The following UNC13C variants were observed in gnomAD, a reference collection of about 807,000 sequenced individuals.
UNC13C encodes protein unc-13 homolog C.
Under a neutral mutation model 245.4 loss-of-function variants are expected in UNC13C, and 174 were observed. That is an observed-to-expected ratio of 0.71 (90% confidence interval 0.63 to 0.80). The LOEUF is 0.80. Among genes scored for constraint, UNC13C ranks in the 30% least tolerant of loss-of-function variants. The pLI is 0.00. For missense variants in UNC13C, 2,829 were observed against 2,602.9 expected, an observed-to-expected ratio of 1.09 and a Z score of -1.89; for synonymous variants, 992 against 895.1, an observed-to-expected ratio of 1.11 and a Z score of -1.93.
At chr15:54,094,383 G>A (rs1314441918) in intron 2 of UNC13C, among the ~76,000 whole-genome samples, 4 of 152,040 alleles carry the variant, frequency 2.6e-5, no homozygotes, top group African/African-American at 9.7e-5. Flanking sequence ...CTGCTTCTTG[G>A]AGGACCTGTT....
At position 54,219,110 on chromosome 15, in the gene UNC13C, T is replaced by C. The variant is rs28679769; in HGVS notation, c.3072-15920T>C. On this transcript the variant is annotated intron_variant, in intron 4 of 32. Coordinates refer to ENST00000260323, the MANE Select transcript of UNC13C (RefSeq NM_001080534.3). ...TTTGAAAAAACTACTTTAAAGTTCA[T>C]ATGGAACCAAAAAAGAGACCGCATT... Among the ~76,000 whole-genome samples, 752 of 151,384 alleles carry C rather than the reference T, an allele frequency of 5.0e-3. 9 individuals carry two copies. Among genetic ancestry groups the C allele is most frequent in the African/African-American group, 0.018 (729 of 40,738 alleles).
chr15:54,068,258 T>A (rs1898161823), intron 2 of UNC13C, among the ~76,000 whole-genome samples: 1 of 152,204 alleles, frequency 6.6e-6, no homozygotes. Flanking sequence ...AGAAAAATCA[T>A]CTAATTTGTT....
At chr15:53,885,566 A>G in the UNC13C span, among the ~76,000 whole-genome samples, 10 of 152,166 alleles carry the variant, frequency 6.6e-5, no homozygotes, top group Non-Finnish European at 1.3e-4. Flanking sequence ...ACCTAAGCAT[A>G]AAATAGTTTT....
intron 4 of UNC13C, among the ~76,000 whole-genome samples, chr15:54,202,309 G>GA (rs1567093298): frequency 2.0e-5 from 3 of 151,786 alleles, no homozygotes; most frequent in East Asian, 3.9e-4. Flanking sequence ...CACATAACTA[G>GA]AAAAAACCAT....
At chr15:54,213,623 A>G (rs2034952967) in intron 4 of UNC13C, among the ~76,000 whole-genome samples, 1 of 152,172 alleles carries the variant, frequency 6.6e-6, no homozygotes. Context: ...TTATTTTTAC[A>G]TGGAGAACAT....
chr15:54,622,376 C>T lies in UNC13C; in HGVS notation c.6156C>T (p.Ile2052=). 1 of 1,613,264 alleles carries T rather than the reference C, an allele frequency of 6.2e-7. No individual in the cohort carries two copies. The highest frequency in any genetic ancestry group is 8.5e-7 in the Non-Finnish European group (1 of 1,179,450). The change falls in exon 31 of 33, where the codon ATC becomes ATT. Residue 2052 remains isoleucine (I), a synonymous_variant. Transcript: ENST00000260323. ...GTCAGATATCTGTTCATGTGGACAT[C>T]ACTGCCACCCCAGGAACGGGAGATC... ...AVGQISVHVD[I]TATPGTGDHK... is the part of the protein sequence containing the mutation.
chr15:54,270,165 G>A (rs1314428018), intron 10 of UNC13C, among the ~76,000 whole-genome samples: 2 of 152,074 alleles, frequency 1.3e-5, no homozygotes, highest in African/African-American at 4.8e-5. Context: ...TCATAAAAAT[G>A]GCATGAGAAT....
intron 17 of UNC13C, among the ~76,000 whole-genome samples, chr15:54,389,648 T>G (rs1359768546): frequency 6.6e-6 from 1 of 152,240 alleles, no homozygotes; most frequent in Non-Finnish European, 1.5e-5. Context: ...AAAGCTGTTA[T>G]AGCCCATTTT....
the UNC13C span, among the ~76,000 whole-genome samples, chr15:53,898,105 A>G: frequency 6.6e-6 from 1 of 152,168 alleles, no homozygotes; most frequent in East Asian, 1.9e-4. Flanking sequence ...ATAGTTCAAT[A>G]TAAGATCTTC....
At chr15:54,543,871 G>C (rs1379007229) in intron 26 of UNC13C, among the ~76,000 whole-genome samples, 1 of 152,164 alleles carries the variant, frequency 6.6e-6, no homozygotes, top group Non-Finnish European at 1.5e-5. Flanking sequence ...GAGGTACAAA[G>C]AGGAGCTGAT....
rs192029345 is a variant in UNC13C, at chr15:54,027,340, T to C, written c.2983+11454T>C. On this transcript the variant is annotated intron_variant, in intron 2 of 32. Transcript: ENST00000260323. ...GTAAGATAATGAGTTGTAGGAGTTA[T>C]GTCAAACAAGATATCCTGTTGAACT... Among the ~76,000 whole-genome samples the C allele has an allele frequency of 1.5e-4, 23 of 152,254 alleles. No homozygotes were observed. In the East Asian group the frequency reaches 4.4e-3, roughly 29 times the overall value.
intron 2 of UNC13C, among the ~76,000 whole-genome samples, chr15:54,118,293 A>C (rs891372095): frequency 6.6e-6 from 1 of 152,080 alleles, no homozygotes; most frequent in Non-Finnish European, 1.5e-5. Flanking sequence ...ATGAACATGG[A>C]ATATCCACTT....
intron 4 of UNC13C, among the ~76,000 whole-genome samples, chr15:54,203,041 G>A (rs1213903381): frequency 2.0e-5 from 3 of 151,528 alleles, no homozygotes; most frequent in Non-Finnish European, 4.4e-5. Flanking sequence ...TATAAAAATG[G>A]CAAAAATAAA....
chr15:54,344,310 G>T (rs1396093710), intron 17 of UNC13C, among the ~76,000 whole-genome samples: 2 of 152,108 alleles, frequency 1.3e-5, no homozygotes, highest in African/African-American at 4.8e-5. Flanking sequence ...AGAGAGCTTC[G>T]TAGGTAGTTC....
chr15:54,337,634 T>G (rs959793425), intron 16 of UNC13C, among the ~76,000 whole-genome samples: 1 of 152,208 alleles, frequency 6.6e-6, no homozygotes, highest in African/African-American at 2.4e-5. Context: ...ACCACCTTGA[T>G]CAAGCATCAT....
chr15:53,864,493 C>T, the UNC13C span, among the ~76,000 whole-genome samples: 3 of 152,182 alleles, frequency 2.0e-5, no homozygotes, highest in African/African-American at 4.8e-5. Context: ...AGACTTATTG[C>T]ATGATTATAT....
intron 14 of UNC13C, among the ~76,000 whole-genome samples, chr15:54,328,675 A>G (rs1239352535): frequency 6.6e-6 from 1 of 152,054 alleles, no homozygotes; most frequent in South Asian, 2.1e-4. Context: ...GGGTTCCCCA[A>G]ATCCTGGGGG....
rs116738058 is a variant in UNC13C, at chr15:54,061,610, G to C, written c.2983+45724G>C. On this transcript the variant is annotated intron_variant, in intron 2 of 32. Coordinates refer to ENST00000260323, the MANE Select transcript of UNC13C (RefSeq NM_001080534.3). ...CATAATGGTACAGCAAGCCCTTTTA[G>C]GCATGCTTAAGTAAGAGAGAGCAAA... Among the ~76,000 whole-genome samples the C allele has an allele frequency of 6.8e-3, 1,030 of 152,200 alleles. 9 individuals carry two copies. The highest frequency in any genetic ancestry group is 0.023 in the African/African-American group (947 of 41,522).
At chr15:53,898,411 T>TAC in the UNC13C span, among the ~76,000 whole-genome samples, 249 of 151,040 alleles carry the variant, frequency 1.6e-3, 1 homozygote, top group African/African-American at 4.4e-3. Context: ...TCCAGACACA[T>TAC]ACACACACAC....
Sources: gnomAD v4.1 joint callset for allele counts (sites outside exome capture counted in the v4.1 genomes callset) on GRCh38, gnomAD v4.1.1 for gene constraint, MANE v1.5 for transcripts, NCBI Gene and HGNC (gene_info 2026-07-23, HGNC 2026-07-21) for gene names.